CAMKMT: variants seen among roughly 807,000 people sequenced by gnomAD.
CAMKMT encodes the protein CaM KMT.
Under a neutral mutation model 48.0 loss-of-function variants are expected in CAMKMT, and 53 were observed. The observed-to-expected ratio is 1.10, with a 90% CI of 0.89 to 1.39. The LOEUF is 1.39. Among genes scored for constraint, CAMKMT ranks in the 40% most tolerant of loss-of-function variants. The pLI, the probability that CAMKMT is intolerant of heterozygous loss-of-function variation, is 0.00. For synonymous variants in CAMKMT, 165 were observed against 152.3 expected, an observed-to-expected ratio of 1.08 and a Z score of -0.61; for missense variants, 428 against 402.7, an observed-to-expected ratio of 1.06 and a Z score of -0.54.
At chr2:44,504,672 G>T (rs995719091) in intron 3 of CAMKMT, among the ~76,000 whole-genome samples, 1 of 152,112 alleles carries the variant, frequency 6.6e-6, no homozygotes, top group Non-Finnish European at 1.5e-5. Flanking sequence ...ATAGATGTAT[G>T]GTGATATCTC....
rs534719974 is a variant in CAMKMT, at chr2:44,418,171, G to A, written c.376+27866G>A. 7.9e-4 allele frequency among the ~76,000 whole-genome samples: 108 copies of A among 137,424 alleles called. 1 individual carries two copies. Among genetic ancestry groups the A allele is most frequent in the African/African-American group, 2.7e-3 (101 of 36,862 alleles). The allele number at this position is 137,424 out of a possible 152,430, so 90.2% of individuals were successfully genotyped here. A position where few individuals can be genotyped will look rare whatever the true frequency, so the allele number is the denominator to read the frequency against. On this transcript the variant is annotated intron_variant, in intron 3 of 10. Transcript: ENST00000378494. ...CGCGCCATTGCACTCTAGCCTGGGC[G>A]ACAAGAGCGGAACTCTGTCTCAAAA...
intron 3 of CAMKMT, among the ~76,000 whole-genome samples, chr2:44,418,790 A>G (rs772479038): frequency 2.6e-5 from 4 of 152,196 alleles, no homozygotes; most frequent in African/African-American, 7.2e-5. Context: ...GTCTACTACA[A>G]TTTTGATTGG....
chr2:44,633,571 G>A (rs1293489320), intron 3 of CAMKMT, among the ~76,000 whole-genome samples: 1 of 151,822 alleles, frequency 6.6e-6, no homozygotes, highest in Non-Finnish European at 1.5e-5. Context: ...TTAATTTCAG[G>A]TATTATATAT....
At chr2:44,369,411 A>G (rs1678939481) in intron 1 of CAMKMT, among the ~76,000 whole-genome samples, 1 of 152,158 alleles carries the variant, frequency 6.6e-6, no homozygotes, top group Non-Finnish European at 1.5e-5. Flanking sequence ...CATCTTTGGA[A>G]TAAGTGTTCC....
intron 3 of CAMKMT, among the ~76,000 whole-genome samples, chr2:44,396,464 A>G (rs940174416): frequency 1.3e-5 from 2 of 152,190 alleles, no homozygotes; most frequent in African/African-American, 4.8e-5. Flanking sequence ...AAGAAGAGGT[A>G]TTTCACAAGA....
intron 3 of CAMKMT, among the ~76,000 whole-genome samples, chr2:44,690,537 T>C (rs1433332229): frequency 6.6e-6 from 1 of 152,210 alleles, no homozygotes; most frequent in East Asian, 1.9e-4. Flanking sequence ...CTGTTTATGC[T>C]GTATTTCACT....
intron 3 of CAMKMT, among the ~76,000 whole-genome samples, chr2:44,500,600 A>G (rs1349579931): frequency 3.3e-5 from 5 of 151,908 alleles, no homozygotes; most frequent in Non-Finnish European, 5.9e-5. Flanking sequence ...TATATGTTAA[A>G]TTCTATGAAT....
intron 3 of CAMKMT, among the ~76,000 whole-genome samples, chr2:44,431,880 G>A (rs970284146): frequency 3.3e-5 from 5 of 152,180 alleles, no homozygotes; most frequent in African/African-American, 1.2e-4. Flanking sequence ...TAAGTGTTCA[G>A]AGAAGAAATC....
intron 3 of CAMKMT, among the ~76,000 whole-genome samples, chr2:44,575,562 C>A (rs932269288): frequency 6.6e-6 from 1 of 152,204 alleles, no homozygotes. Flanking sequence ...TTCAATCATT[C>A]ATTTATTTTC....
chr2:44,637,240 G>A (rs1010531782), intron 3 of CAMKMT, among the ~76,000 whole-genome samples: 1 of 152,174 alleles, frequency 6.6e-6, no homozygotes, highest in African/African-American at 2.4e-5. Flanking sequence ...CATTTCAGTA[G>A]TAATGCTTTT....
At chr2:44,380,476 C>T (rs1025765634) in intron 2 of CAMKMT, among the ~76,000 whole-genome samples, 4 of 151,988 alleles carry the variant, frequency 2.6e-5, no homozygotes, top group South Asian at 2.1e-4. Flanking sequence ...AGAGATCAGA[C>T]AGGACCTAGG....
chr2:44,480,804 T>C (rs1668928277), intron 3 of CAMKMT, among the ~76,000 whole-genome samples: 1 of 152,224 alleles, frequency 6.6e-6, no homozygotes, highest in African/African-American at 2.4e-5. Flanking sequence ...AACCATATTT[T>C]TGGAACTAAT....
chr2:44,417,671 C>T (rs1007259072), intron 3 of CAMKMT, among the ~76,000 whole-genome samples: 8 of 152,310 alleles, frequency 5.3e-5, no homozygotes, highest in Non-Finnish European at 5.9e-5. Flanking sequence ...TACATTGCCA[C>T]TAATAATGTA....
chr2:44,550,163 G>A (rs1227995747), intron 3 of CAMKMT, among the ~76,000 whole-genome samples: 2 of 152,074 alleles, frequency 1.3e-5, no homozygotes, highest in Non-Finnish European at 2.9e-5. Context: ...ACTCTGGGAG[G>A]CTGAGGTGGG....
intron 3 of CAMKMT, among the ~76,000 whole-genome samples, chr2:44,605,820 G>A (rs370330249): frequency 6.6e-6 from 1 of 152,184 alleles, no homozygotes; most frequent in East Asian, 1.9e-4. Context: ...AGTCTTGCAT[G>A]TAGAGATTCC....
chr2:44,374,535 T>A (rs75495684), intron 2 of CAMKMT, among the ~76,000 whole-genome samples: 3,774 of 152,272 alleles, frequency 0.025, 179 homozygotes, highest in African/African-American at 0.087. Context: ...AAGAATAATT[T>A]CCTGACATCT....
rs947095294 is a variant in CAMKMT, at chr2:44,711,784, C to T, written c.557-3503C>T. 2.0e-5 allele frequency among the ~76,000 whole-genome samples: 3 copies of T among 152,262 alleles called. No individual in the cohort carries two copies. The East Asian group carries it at 5.8e-4, about 29-fold the overall frequency. On this transcript the variant is annotated intron_variant, in intron 6 of 10. Coordinates refer to ENST00000378494, the MANE Select transcript of CAMKMT (RefSeq NM_024766.5). ...CCTACTGTGTGCCAGGCCCATCACA[C>T]GTGATACTCCATTAAGCCTAACAAA...
intron 3 of CAMKMT, among the ~76,000 whole-genome samples, chr2:44,413,620 T>C (rs76288632): frequency 0.057 from 8,474 of 147,486 alleles, 299 homozygotes; most frequent in South Asian, 0.14. Context: ...CCACTGCACT[T>C]AAGTCAGGGT....
At chr2:44,756,918 G>A (rs1680407361) in intron 9 of CAMKMT, among the ~76,000 whole-genome samples, 1 of 152,108 alleles carries the variant, frequency 6.6e-6, no homozygotes, top group Admixed American at 6.5e-5. Context: ...TGTGGCCCCA[G>A]TTTCTGAAGG....
Sources: gnomAD v4.1 joint callset for allele counts (sites outside exome capture counted in the v4.1 genomes callset) on GRCh38, gnomAD v4.1.1 for gene constraint, MANE v1.5 for transcripts, NCBI Gene and HGNC (gene_info 2026-07-23, HGNC 2026-07-21) for gene names.